Variants in PCED1B observed in about 807,000 individuals in gnomAD.
PCED1B encodes PC-esterase domain-containing protein 1B.
For synonymous variants in PCED1B, 251 were observed against 246.1 expected (o/e 1.02, Z -0.19); for missense variants, 573 against 573.9 (o/e 1.00, Z 0.02).
chr12:47,116,473 G>A (rs189978565), intron 2 of PCED1B, among the ~76,000 whole-genome samples: 1 of 152,128 alleles, frequency 6.6e-6, no homozygotes, highest in South Asian at 2.1e-4. Flanking sequence ...TTTTTTTCTA[G>A]TCACAAAATT....
intron 2 of PCED1B, among the ~76,000 whole-genome samples, chr12:47,184,234 A>T (rs1056211545): frequency 6.6e-6 from 1 of 152,132 alleles, no homozygotes; most frequent in Non-Finnish European, 1.5e-5. Context: ...TGTGTGTTTT[A>T]GTTGGTGTGA....
intron 2 of PCED1B, among the ~76,000 whole-genome samples, chr12:47,184,096 TG>T (rs1942179761): frequency 6.6e-6 from 1 of 152,230 alleles, no homozygotes; most frequent in Non-Finnish European, 1.5e-5. Flanking sequence ...AGGCTGGTCT[TG>T]AACTCCTGGG....
chr12:47,174,182 G>T (rs1941845657), intron 2 of PCED1B, among the ~76,000 whole-genome samples: 1 of 152,058 alleles, frequency 6.6e-6, no homozygotes, highest in Non-Finnish European at 1.5e-5. Flanking sequence ...TCGGAGGAGG[G>T]TGGATCACTT....
At chr12:47,233,982 T>C (rs529269252) in intron 3 of PCED1B, among the ~76,000 whole-genome samples, 4 of 152,234 alleles carry the variant, frequency 2.6e-5, no homozygotes, top group Admixed American at 2.0e-4. Flanking sequence ...TTTTTTTGTT[T>C]TGTTTTTTGT....
At chr12:47,093,246 C>A (rs1938340431) in intron 1 of PCED1B, among the ~76,000 whole-genome samples, 1 of 151,814 alleles carries the variant, frequency 6.6e-6, no homozygotes, top group South Asian at 2.1e-4. Context: ...TTATTTCATC[C>A]AAATTGTCAA....
chr12:47,084,192 C>A (rs1937872192), intron 1 of PCED1B, among the ~76,000 whole-genome samples: 1 of 152,174 alleles, frequency 6.6e-6, no homozygotes, highest in Admixed American at 6.5e-5. Flanking sequence ...AACACTTACA[C>A]TAGCCTACAG....
chr12:47,219,247 A>G (rs1412491357), intron 3 of PCED1B, among the ~76,000 whole-genome samples: 1 of 152,224 alleles, frequency 6.6e-6, no homozygotes, highest in Admixed American at 6.5e-5. Context: ...TAATAAAATA[A>G]TGTCCATTTT....
chr12:47,098,592 C>T (rs1216847148), intron 1 of PCED1B, among the ~76,000 whole-genome samples: 1 of 152,200 alleles, frequency 6.6e-6, no homozygotes, highest in Non-Finnish European at 1.5e-5. Flanking sequence ...ACCCCATTCT[C>T]CTGCCTCAGC....
Position 47,235,604 on chromosome 12 carries a change from C to A in PCED1B, c.541C>A (p.Leu181Ile). Residue 181 changes from leucine (L) to isoleucine (I), a missense_variant, in exon 4 of 4, where the codon CTC becomes ATC. Transcript: ENST00000546455. ...CACCGGGGGTTTTCTTCCGCCCAAG[C>A]TCCGGCGGCAGAAGGCCACCTTCCT... ...EVTGGFLPPK[L>I]RRQKATFLKN... 1 of 1,609,300 alleles carries A rather than the reference C, an allele frequency of 6.2e-7. No homozygotes were observed. The highest frequency in any genetic ancestry group is 2.2e-5 in the East Asian group (1 of 44,828).
chr12:47,106,604 C>T (rs1029889748), intron 2 of PCED1B, among the ~76,000 whole-genome samples: 1 of 152,150 alleles, frequency 6.6e-6, no homozygotes, highest in African/African-American at 2.4e-5. Context: ...AGACTGTAGG[C>T]GTCGAGCCTC....
chr12:47,131,675 T>A (rs1346816636), intron 2 of PCED1B, among the ~76,000 whole-genome samples: 4 of 144,530 alleles, frequency 2.8e-5, no homozygotes, highest in Non-Finnish European at 4.5e-5. Flanking sequence ...TTTTACTTCT[T>A]TTTTTTTTTT....
chr12:47,131,477 G>A (rs1189667565), intron 2 of PCED1B, among the ~76,000 whole-genome samples: 1 of 152,148 alleles, frequency 6.6e-6, no homozygotes, highest in Non-Finnish European at 1.5e-5. Context: ...GCATCCAGGT[G>A]TGTACACCAT....
intron 2 of PCED1B, among the ~76,000 whole-genome samples, chr12:47,167,862 T>C (rs894999546): frequency 1.3e-5 from 2 of 152,152 alleles, no homozygotes; most frequent in African/African-American, 4.8e-5. Flanking sequence ...TCTCGAGCAG[T>C]ACCTGGGCAG....
At chr12:47,114,793 C>G (rs928149211) in intron 2 of PCED1B, among the ~76,000 whole-genome samples, 12 of 152,314 alleles carry the variant, frequency 7.9e-5, no homozygotes, top group African/African-American at 2.4e-4. Flanking sequence ...ATGGCAGCAT[C>G]TGGCTTTCCA....
chr12:47,172,996 G>A (rs1941801404), intron 2 of PCED1B, among the ~76,000 whole-genome samples: 1 of 152,158 alleles, frequency 6.6e-6, no homozygotes, highest in Non-Finnish European at 1.5e-5. Context: ...AGGCAATGGG[G>A]AAGACAGGAC....
At chr12:47,123,785 T>A (rs947463279) in intron 2 of PCED1B, among the ~76,000 whole-genome samples, 4 of 152,074 alleles carry the variant, frequency 2.6e-5, no homozygotes, top group African/African-American at 9.6e-5. Context: ...AAAATCAGTA[T>A]CATGCTTATC....
chr12:47,125,371 T>C (rs577159354), intron 2 of PCED1B, among the ~76,000 whole-genome samples: 2 of 152,064 alleles, frequency 1.3e-5, no homozygotes, highest in Non-Finnish European at 2.9e-5. Context: ...TTCTATTGAT[T>C]TATTTGCCTA....
chr12:47,120,886 C>G (rs1242173640), intron 2 of PCED1B, among the ~76,000 whole-genome samples: 1 of 151,992 alleles, frequency 6.6e-6, no homozygotes, highest in African/African-American at 2.4e-5. Context: ...TGGAAGAAGC[C>G]AGTCATAAAA....
intron 2 of PCED1B, among the ~76,000 whole-genome samples, chr12:47,202,900 T>C (rs1942809738): frequency 6.6e-6 from 1 of 151,984 alleles, no homozygotes; most frequent in African/African-American, 2.4e-5. Context: ...ACTGAGGCTA[T>C]TAATTTTCAT....
Sources: gnomAD v4.1 joint callset for allele counts (sites outside exome capture counted in the v4.1 genomes callset) on GRCh38, gnomAD v4.1.1 for gene constraint, MANE v1.5 for transcripts, NCBI Gene and HGNC (gene_info 2026-07-23, HGNC 2026-07-21) for gene names.